Variants in MARK3 observed in about 807,000 individuals in gnomAD.
MARK3 encodes microtubule affinity regulating kinase 3, also known as MAP/microtubule affinity-regulating kinase 3.
Under a neutral mutation model 90.1 loss-of-function variants are expected in MARK3, and 46 were observed. That is an observed-to-expected ratio of 0.51 (90% confidence interval 0.40 to 0.65). The LOEUF (loss-of-function observed/expected upper bound fraction) is 0.65, where lower values mean the gene tolerates loss of function less well. Among genes scored for constraint, MARK3 ranks in the 30% least tolerant of loss-of-function variants. The pLI is 0.00. For missense variants in MARK3, 818 were observed against 947.2 expected (o/e 0.86, Z 1.79); for synonymous variants, 321 against 332.6 (o/e 0.97, Z 0.38).
chr14:103,463,855 C>G (rs1462312673), intron 7 of MARK3, among the ~76,000 whole-genome samples: 1 of 152,198 alleles, frequency 6.6e-6, no homozygotes, highest in Admixed American at 6.5e-5. Flanking sequence ...TTCTCAAGTA[C>G]AATCCTTTGT....
chr14:103,470,526 G>C (rs1019352081), intron 12 of MARK3, among the ~76,000 whole-genome samples: 1 of 124,902 alleles, frequency 8.0e-6, no homozygotes, highest in African/African-American at 3.0e-5. Flanking sequence ...CGCGATCTCG[G>C]CTCACTGCAA....
In MARK3 at chr14:103,502,911, A is replaced by G; in HGVS notation, c.1946A>G (p.Glu649Gly). 2 of 1,612,544 alleles carry G rather than the reference A, an allele frequency of 1.2e-6. No homozygotes were observed. The highest frequency in any genetic ancestry group is 1.7e-6 in the Non-Finnish European group (2 of 1,178,674). The change falls in exon 18 of 18, where the codon GAA becomes GGA. Residue 649 changes from glutamate to glycine, a missense_variant. By Grantham distance (98) the Glu-to-Gly change is moderately conservative. Around this residue, in one of 3 missense-constraint regions of MARK3, gnomAD observed 560 missense variants for 613.5 expected, o/e 0.91. Coordinates refer to ENST00000429436, the MANE Select transcript of MARK3 (RefSeq NM_001128918.3). ...AATGTATCTGCTGAGCAAAAAGATGAAAACAAAGAAGCAAAGCCTCGATCC... is the reference window on the plus strand; with the variant it reads ...AATGTATCTGCTGAGCAAAAAGATGGAAACAAAGAAGCAAAGCCTCGATCC... ...SRNVSAEQKD[E>G]NKEAKPRSLR...
At chr14:103,465,937 CTT>C (rs754782366) in intron 8 of MARK3, 33 bp from the exon 9 acceptor site, 2 of 1,599,426 alleles carry the variant, frequency 1.3e-6, no homozygotes, top group South Asian at 2.3e-5. Context: ...TAAAGGTTGA[CTT>C]ACTCGTTTTC....
chr14:103,412,564 C>T (rs1411460716), intron 2 of MARK3: 4 of 656,370 alleles, frequency 6.1e-6, no homozygotes, highest in African/African-American at 5.5e-5. Flanking sequence ...TGCTGTTCCC[C>T]CAGGACCCAC....
intron 3 of MARK3, among the ~76,000 whole-genome samples, chr14:103,428,921 CTGAAAG>C (rs1432866747): frequency 6.6e-6 from 1 of 152,130 alleles, no homozygotes; most frequent in Non-Finnish European, 1.5e-5. Flanking sequence ...TAAAGTAAAA[CTGAAAG>C]TGGAAAAGCA....
intron 13 of MARK3, among the ~76,000 whole-genome samples, chr14:103,476,980 T>G (rs1388246884): frequency 6.6e-6 from 1 of 152,214 alleles, no homozygotes; most frequent in Non-Finnish European, 1.5e-5. Context: ...CCTTCATGAC[T>G]TCTCTTCCCC....
Position 103,502,934 on chromosome 14 carries a change from T to A in MARK3, c.1969T>A (p.Ser657Thr), listed in dbSNP as rs1409764269. The A allele has an allele frequency of 1.2e-6, 2 of 1,614,210 alleles. No homozygotes were observed. The highest frequency in any genetic ancestry group is 1.7e-5 in the Admixed American group (1 of 60,030). ...TGAAAACAAAGAAGCAAAGCCTCGA[T>A]CCCTACGCTTCACCTGGAGCATGAA... ...KDENKEAKPR[S>T]LRFTWSMKTT... Residue 657 changes from serine to threonine, a missense_variant, in exon 18 of 18, where the codon TCC (serine) becomes ACC (threonine). By Grantham distance (58) the Ser-to-Thr change is moderately conservative. Around this residue, in one of 3 missense-constraint regions of MARK3, gnomAD observed 560 missense variants for 613.5 expected, o/e 0.91. Coordinates refer to ENST00000429436, the MANE Select transcript of MARK3 (RefSeq NM_001128918.3).
Position 103,467,117 on chromosome 14 carries a change from C to G in MARK3, c.1036C>G (p.Gln346Glu), listed in dbSNP as rs2093521424. The change falls in exon 11 of 18, where the codon CAA becomes GAA. Residue 346 changes from glutamine (Q) to glutamate (E), a missense_variant. This residue lies in a region of MARK3 where 560 missense variants were observed against 613.5 expected (regional missense o/e 0.91). Coordinates refer to ENST00000429436, the MANE Select transcript of MARK3 (RefSeq NM_001128918.3). Reference sequence around the variant, plus strand: ...AATGGGATATTCACAAGAAGAAATTCAAGAATCTCTTAGTAAGATGAAATA... The same window carrying G: ...AATGGGATATTCACAAGAAGAAATTGAAGAATCTCTTAGTAAGATGAAATA... ...VGMGYSQEEI[Q>E]ESLSKMKYDE... 2 of 1,594,312 alleles carry G rather than the reference C, an allele frequency of 1.3e-6. No individual in the cohort carries two copies. The highest frequency in any genetic ancestry group is 1.3e-5 in the African/African-American group (1 of 74,244).
rs1379387402 is a variant in MARK3, at chr14:103,405,419, C to T, written c.243+152C>T. 1.1e-5 allele frequency: 6 copies of T among 523,366 alleles called. No individual in the cohort carries two copies. In the Admixed American group the frequency reaches 1.2e-4, roughly 10 times the overall value. The allele number at this position is 523,366 out of a possible 1,614,324, so 32.4% of individuals were successfully genotyped here. ...AGGCTGGAGTGCAGTGGCATGATCT[C>T]AGCTCACTGCAAACTCTGCCTCCCG... On this transcript the variant is annotated intron_variant, in intron 2 of 17. Coordinates refer to ENST00000429436, the MANE Select transcript of MARK3 (RefSeq NM_001128918.3).
intron 3 of MARK3, among the ~76,000 whole-genome samples, chr14:103,436,401 TTTTC>T (rs1403332660): frequency 7.1e-6 from 1 of 140,170 alleles, no homozygotes; most frequent in Non-Finnish European, 1.5e-5. Flanking sequence ...CATCTTTTTC[TTTTC>T]TTTCTTTTTT....
At chr14:103,466,921 T>C (rs2093514546) in intron 10 of MARK3, among the ~76,000 whole-genome samples, 158 bp from the exon 11 acceptor site, 1 of 150,784 alleles carries the variant, frequency 6.6e-6, no homozygotes, top group African/African-American at 2.4e-5. Context: ...GGAGAATTGC[T>C]TGAATCTGGG....
rs747645883 is a variant in MARK3 at position 103,448,901 on chromosome 14, G to GT, written c.298-15dup. ...TTGTGTTGGGGGGATTATGTGTTTTGTTTGTTTTTTTTTTTAGCTCTTCAG... is the reference window on the plus strand; with the variant it reads ...TTGTGTTGGGGGGATTATGTGTTTTGTTTTGTTTTTTTTTTTAGCTCTTCAG... On this transcript the variant is annotated splice_polypyrimidine_tract_variant and intron_variant, in intron 3 of 17. Transcript: ENST00000429436. 1.3e-6 allele frequency: 2 copies of GT among 1,538,954 alleles called. No homozygotes were observed. The highest frequency in any genetic ancestry group is 1.8e-6 in the Non-Finnish European group (2 of 1,138,728).
At chr14:103,432,500 A>G (rs2092610262) in intron 3 of MARK3, among the ~76,000 whole-genome samples, 1 of 152,094 alleles carries the variant, frequency 6.6e-6, no homozygotes, top group African/African-American at 2.4e-5. Flanking sequence ...ATAAAATAGA[A>G]TAAGTGTCCC....
chr14:103,494,642 C>T (rs914497778), intron 15 of MARK3, among the ~76,000 whole-genome samples: 4 of 151,480 alleles, frequency 2.6e-5, no homozygotes, highest in Admixed American at 1.3e-4. Flanking sequence ...TATCAGCTAC[C>T]TCTTTTTTTT....
At chr14:103,443,374 G>T (rs1472503815) in intron 3 of MARK3, among the ~76,000 whole-genome samples, 3 of 152,140 alleles carry the variant, frequency 2.0e-5, no homozygotes, top group African/African-American at 7.2e-5. Context: ...AAATATATTG[G>T]AAACAGGAAC....
intron 1 of MARK3, among the ~76,000 whole-genome samples, chr14:103,388,666 A>G (rs2089993700): frequency 6.6e-6 from 1 of 152,192 alleles, no homozygotes; most frequent in South Asian, 2.1e-4. Flanking sequence ...ATGGCCCTGT[A>G]TAGTCAGTGC....
chr14:103,401,378 C>T (rs567180425), intron 1 of MARK3, among the ~76,000 whole-genome samples: 5 of 152,208 alleles, frequency 3.3e-5, no homozygotes, highest in Middle Eastern at 3.4e-3. Flanking sequence ...TTTGCATGAG[C>T]GTGTTTTAGG....
chr14:103,482,486 A>G (rs535031766), intron 14 of MARK3, among the ~76,000 whole-genome samples: 7 of 152,022 alleles, frequency 4.6e-5, no homozygotes, highest in Non-Finnish European at 7.4e-5. Context: ...GCGCCACTGC[A>G]GTCCAGCCTG....
intron 3 of MARK3, among the ~76,000 whole-genome samples, chr14:103,439,180 C>T (rs1173981684): frequency 6.6e-6 from 1 of 151,998 alleles, no homozygotes; most frequent in Admixed American, 6.6e-5. Flanking sequence ...AGATGAGCAC[C>T]CTTATACTAC....
Sources: gnomAD v4.1 joint callset for allele counts (sites outside exome capture counted in the v4.1 genomes callset) on GRCh38, gnomAD v4.1.1 for gene constraint, gnomAD v4.1.1 regional missense constraint, MANE v1.5 for transcripts, NCBI Gene and HGNC (gene_info 2026-07-23, HGNC 2026-07-21) for gene names.